The following ASTN2 variants were observed in gnomAD, a reference collection of about 807,000 sequenced individuals.
ASTN2 encodes the protein astrotactin-2.
Under a neutral mutation model 139.8 loss-of-function variants are expected in ASTN2, and 54 were observed. The ratio of observed to expected loss-of-function variants is 0.39; its 90% CI spans 0.31 to 0.48. The LOEUF is 0.48. ASTN2 is among the 20% of genes least tolerant of loss of function. The pLI is 0.95. For missense variants in ASTN2, 1,565 were observed against 1,725.1 expected, an observed-to-expected ratio of 0.91 and a Z score of 1.64; for synonymous variants, 756 against 719.5, an observed-to-expected ratio of 1.05 and a Z score of -0.81.
In ASTN2 at chr9:116,698,561, C is replaced by G; in HGVS notation, c.2806+27210G>C. ...TCACTGCCAGCTTGCCTCGGGAGCT[C>G]ACCCTGCAAGATGTGGAGCTCCTTA... On this transcript the variant is annotated intron_variant, in intron 16 of 22. Coordinates refer to ENST00000313400, the MANE Select transcript of ASTN2 (RefSeq NM_001365068.1). The surrounding 1 kb of genome is among the most constrained non-coding windows in gnomAD (Gnocchi z 4.4). 1 of 1,613,974 alleles carries G rather than the reference C, an allele frequency of 6.2e-7. No individual in the cohort carries two copies. Among genetic ancestry groups the G allele is most frequent in the South Asian group, 1.1e-5 (1 of 91,062 alleles).
At chr9:116,780,761 A>G (rs1830197665) in intron 13 of ASTN2, among the ~76,000 whole-genome samples, 2 of 152,234 alleles carry the variant, frequency 1.3e-5, no homozygotes, top group South Asian at 4.1e-4. Context: ...TGTATATACT[A>G]GGACTTAGAA....
intron 5 of ASTN2, among the ~76,000 whole-genome samples, chr9:117,073,121 C>T (rs570845727): frequency 6.6e-5 from 10 of 152,118 alleles, no homozygotes; most frequent in East Asian, 3.9e-4. Flanking sequence ...GAAAGACTGC[C>T]GAAATAAAAA....
intron 7 of ASTN2, among the ~76,000 whole-genome samples, chr9:116,996,795 A>C (rs1369860380): frequency 6.6e-6 from 1 of 152,112 alleles, no homozygotes; most frequent in South Asian, 2.1e-4. Context: ...TTGTTTATTG[A>C]TAATATATTT....
intron 3 of ASTN2, among the ~76,000 whole-genome samples, chr9:117,186,868 C>T (rs1261407933): frequency 2.0e-5 from 3 of 152,182 alleles, no homozygotes; most frequent in African/African-American, 4.8e-5. Context: ...AAGTGGCTCA[C>T]GCCTGTAATC....
intron 2 of ASTN2, among the ~76,000 whole-genome samples, chr9:117,252,035 C>A (rs1564107629): frequency 1.3e-5 from 2 of 152,162 alleles, no homozygotes; most frequent in South Asian, 2.1e-4. Flanking sequence ...TTCAGAACAA[C>A]CTCTGATAAA....
At chr9:117,142,630 T>C (rs985891644) in intron 3 of ASTN2, among the ~76,000 whole-genome samples, 1 of 151,962 alleles carries the variant, frequency 6.6e-6, no homozygotes, top group Non-Finnish European at 1.5e-5. Context: ...TTGAAACTGG[T>C]AGAAAGTTCA....
intron 18 of ASTN2, among the ~76,000 whole-genome samples, chr9:116,619,215 T>C (rs1327170774): frequency 6.6e-6 from 1 of 152,166 alleles, no homozygotes; most frequent in East Asian, 1.9e-4. Flanking sequence ...TATGGGACTT[T>C]GTTTTCCAGT....
In ASTN2 at chr9:117,306,881, T is replaced by C. The variant is rs1408696009; in HGVS notation, c.443-15368A>G. On this transcript the variant is annotated intron_variant, in intron 1 of 22. Coordinates refer to ENST00000313400, the MANE Select transcript of ASTN2 (RefSeq NM_001365068.1). ...CCTAATTCCTATCTACTATGTGATG[T>C]GAAATATACTAGAAGGAACATGTTG... 7.2e-5 allele frequency among the ~76,000 whole-genome samples: 11 copies of C among 152,262 alleles called. No individual in the cohort carries two copies. In the East Asian group the frequency reaches 2.1e-3, roughly 29 times the overall value.
intron 20 of ASTN2, among the ~76,000 whole-genome samples, chr9:116,467,199 A>G (rs996528167): frequency 6.6e-6 from 1 of 152,174 alleles, no homozygotes; most frequent in African/African-American, 2.4e-5. Context: ...ACCCCTCATA[A>G]GGAAAACTCA....
At chr9:117,097,243 G>T (rs1370739355) in intron 4 of ASTN2, among the ~76,000 whole-genome samples, 2 of 152,132 alleles carry the variant, frequency 1.3e-5, no homozygotes, top group Non-Finnish European at 2.9e-5. Context: ...GAGGGAAAAG[G>T]GTAATGCATT....
chr9:116,734,086 C>A (rs1828858401), intron 13 of ASTN2, among the ~76,000 whole-genome samples: 1 of 150,476 alleles, frequency 6.6e-6, no homozygotes, highest in Admixed American at 6.6e-5. Flanking sequence ...TTTTTTTTGG[C>A]TCAAACTTTT....
intron 17 of ASTN2, among the ~76,000 whole-genome samples, chr9:116,641,152 C>T (rs971716407): frequency 3.9e-5 from 6 of 152,138 alleles, no homozygotes; most frequent in Non-Finnish European, 7.4e-5. Context: ...AGGAGCCAAT[C>T]CTAGAATGAA....
chr9:117,208,643 C>A (rs994116286), intron 3 of ASTN2, among the ~76,000 whole-genome samples: 42 of 152,134 alleles, frequency 2.8e-4, no homozygotes, highest in African/African-American at 6.0e-4. Flanking sequence ...TCCAGGAAAC[C>A]AGATAGGTTA....
intron 16 of ASTN2, among the ~76,000 whole-genome samples, chr9:116,693,037 C>G (rs1860651408): frequency 6.6e-6 from 1 of 152,060 alleles, no homozygotes; most frequent in African/African-American, 2.4e-5. Context: ...TCTTTATATG[C>G]CTTTATATGC....
chr9:116,468,010 C>T (rs1033334636), intron 20 of ASTN2, among the ~76,000 whole-genome samples: 1 of 152,198 alleles, frequency 6.6e-6, no homozygotes, highest in Admixed American at 6.5e-5. Flanking sequence ...TTTCCAGGCT[C>T]TGGGAAAGAC....
chr9:116,698,236 G>C lies in ASTN2; in HGVS notation c.2806+27535C>G. 1 of 1,614,124 alleles carries C rather than the reference G, an allele frequency of 6.2e-7. No homozygotes were observed. The highest frequency in any genetic ancestry group is 1.1e-5 in the South Asian group (1 of 91,070). Reference sequence around the variant, plus strand: ...CGGGAACTTATGGGGGAGCTGCAGCGGCGGAAGGCAGCCTTGGAAGGTGTC... The same window carrying C: ...CGGGAACTTATGGGGGAGCTGCAGCCGCGGAAGGCAGCCTTGGAAGGTGTC... On this transcript the variant is annotated intron_variant, in intron 16 of 22. Transcript: ENST00000313400. This position sits in a 1 kb window ranked among gnomAD's most constrained non-coding sequence, Gnocchi z 4.4.
At chr9:116,737,345 T>TAG (rs1439955403) in intron 13 of ASTN2, among the ~76,000 whole-genome samples, 3 of 152,018 alleles carry the variant, frequency 2.0e-5, no homozygotes, top group Non-Finnish European at 2.9e-5. Context: ...GATGGAAGCC[T>TAG]AGACAACAGC....
chr9:116,996,182 C>T (rs1332380617), intron 7 of ASTN2, among the ~76,000 whole-genome samples: 4 of 152,082 alleles, frequency 2.6e-5, no homozygotes, highest in African/African-American at 7.3e-5. Flanking sequence ...AGCCACCACA[C>T]CCAGCCCCCA....
At chr9:116,708,637 AC>A (rs1004835606) in intron 16 of ASTN2, among the ~76,000 whole-genome samples, 20 of 152,166 alleles carry the variant, frequency 1.3e-4, no homozygotes, top group African/African-American at 4.6e-4. Context: ...AAAGGGATGG[AC>A]CACTACCCCA....
Sources: allele counts gnomAD v4.1 joint callset (sites outside exome capture counted in the v4.1 genomes callset), GRCh38; gene constraint gnomAD v4.1.1; non-coding constraint Gnocchi (gnomAD v3.1); transcripts MANE v1.5; gene names NCBI Gene and HGNC (gene_info 2026-07-23, HGNC 2026-07-21).